The following SLIT3 variants were observed in gnomAD, a reference collection of about 807,000 sequenced individuals.
SLIT3 encodes the protein slit guidance ligand 3, also known as slit homolog 3 protein.
A neutral mutation model predicts 184.0 loss-of-function variants in SLIT3; 68 were observed. That is an observed-to-expected ratio of 0.37 (90% CI 0.30 to 0.45). SLIT3 has a LOEUF of 0.45. Among genes scored for constraint, SLIT3 ranks in the 20% least tolerant of loss-of-function variants. The pLI, the probability that SLIT3 is intolerant of heterozygous loss-of-function variation, is 1.00. For synonymous variants in SLIT3, 831 were observed against 828.6 expected (o/e 1.00, Z -0.05); for missense variants, 1,707 against 2,026.0 (o/e 0.84, Z 3.02).
intron 4 of SLIT3, among the ~76,000 whole-genome samples, chr5:169,166,474 G>A (rs969404563): frequency 1.4e-4 from 22 of 152,112 alleles, no homozygotes; most frequent in African/African-American, 5.3e-4. Context: ...ACACATCTCG[G>A]TCTGCATGCT....
rs554254918 is a variant in SLIT3, at chr5:168,897,425, G to C, written c.414-14089C>G. On this transcript the variant is annotated intron_variant, in intron 4 of 35. Transcript: ENST00000519560. ...TAGACAGATATAAAGATGAGAGAGA[G>C]AGAGAGACAGAGAGAGGGAGAGAAA... Among the ~76,000 whole-genome samples, 5 of 152,222 alleles carry C rather than the reference G, an allele frequency of 3.3e-5. No homozygotes were observed. In the East Asian group the frequency reaches 9.7e-4, roughly 29 times the overall value.
At position 169,187,699 on chromosome 5, in the gene SLIT3, A is replaced by G. The variant is rs905871723; in HGVS notation, c.413+5780T>C. ...CTCCGGAATAGCTGGGATGACAGGCATGCACCACCACGCCCAGCTAATTTT... is the reference window on the plus strand; with the variant it reads ...CTCCGGAATAGCTGGGATGACAGGCGTGCACCACCACGCCCAGCTAATTTT... On this transcript the variant is annotated intron_variant, in intron 4 of 35. Transcript: ENST00000519560. Among the ~76,000 whole-genome samples, 4 of 151,716 alleles carry G rather than the reference A, an allele frequency of 2.6e-5. No homozygotes were observed. The East Asian group carries it at 7.8e-4, about 30-fold the overall frequency.
intron 4 of SLIT3, among the ~76,000 whole-genome samples, chr5:168,970,270 C>G (rs549783489): frequency 6.6e-6 from 1 of 151,936 alleles, no homozygotes; most frequent in African/African-American, 2.4e-5. Flanking sequence ...CTGAGGCAGG[C>G]GGATCACCTG....
intron 4 of SLIT3, among the ~76,000 whole-genome samples, chr5:169,068,764 TG>T (rs1303551369): frequency 6.6e-6 from 1 of 151,846 alleles, no homozygotes; most frequent in Non-Finnish European, 1.5e-5. Context: ...CCCACCCAGC[TG>T]GAGAAGCTCT....
rs17667604 is a variant in SLIT3, at chr5:169,161,040, C to T, written c.413+32439G>A. On this transcript the variant is annotated intron_variant, in intron 4 of 35. Transcript: ENST00000519560. ...CTATGTTGTTCCTTGGAATGAAAAG[C>T]GGATTTTTCTAGCTTCTCTCTCACT... Among the ~76,000 whole-genome samples, 3,265 of 152,286 alleles carry T rather than the reference C, an allele frequency of 0.021. 193 individuals carry two copies. In the East Asian group the frequency reaches 0.23, roughly 11 times the overall value.
chr5:168,865,258 T>G (rs1353818731), intron 5 of SLIT3, among the ~76,000 whole-genome samples: 2 of 151,260 alleles, frequency 1.3e-5, no homozygotes. Context: ...AAATGAAAAC[T>G]TGCATTCACA....
chr5:169,015,974 A>C lies in SLIT3; in HGVS notation c.414-132638T>G, dbSNP rs1342724590. Among the ~76,000 whole-genome samples, 856 of 122,278 alleles carry C rather than the reference A, an allele frequency of 7.0e-3. 12 individuals are homozygous for C. Among genetic ancestry groups the C allele is most frequent in the South Asian group, 0.016 (68 of 4,170 alleles). The allele number at this position is 122,278 out of a possible 152,430, so 80.2% of individuals were successfully genotyped here. On this transcript the variant is annotated intron_variant, in intron 4 of 35. Transcript: ENST00000519560. The stretch of plus-strand genomic sequence containing the variant: ...CACACACACACACACACACACACAC[A>C]CACACACACACAACTTTCTGTCTGC...
intron 4 of SLIT3, among the ~76,000 whole-genome samples, chr5:168,940,526 C>T (rs945714661): frequency 6.6e-6 from 1 of 151,776 alleles, no homozygotes; most frequent in African/African-American, 2.4e-5. Context: ...AAGTAAAAAA[C>T]ATTTAGAGCA....
At chr5:168,698,030 G>A (rs1762110903) in intron 27 of SLIT3, among the ~76,000 whole-genome samples, 1 of 152,164 alleles carries the variant, frequency 6.6e-6, no homozygotes, top group African/African-American at 2.4e-5. Context: ...AGCTGTCCAG[G>A]AGACTCCAGG....
chr5:168,743,990 G>C (rs550308025), intron 20 of SLIT3, among the ~76,000 whole-genome samples: 12 of 152,270 alleles, frequency 7.9e-5, no homozygotes, highest in Admixed American at 1.3e-4. Flanking sequence ...TGGTTCATGA[G>C]GTTTAAGAAA....
At chr5:169,289,794 C>T (rs1767279041) in intron 1 of SLIT3, among the ~76,000 whole-genome samples, 2 of 152,170 alleles carry the variant, frequency 1.3e-5, no homozygotes, top group East Asian at 1.9e-4. Flanking sequence ...TGCAAACATG[C>T]ACAATTCTAT....
chr5:168,913,736 C>T (rs1403160262), intron 4 of SLIT3, among the ~76,000 whole-genome samples: 7 of 115,150 alleles, frequency 6.1e-5, no homozygotes, highest in African/African-American at 1.6e-4. Context: ...AGTAAAACTC[C>T]GTCTCAAAAA....
At chr5:169,055,467 A>G (rs771724174) in intron 4 of SLIT3, among the ~76,000 whole-genome samples, 1 of 152,238 alleles carries the variant, frequency 6.6e-6, no homozygotes, top group African/African-American at 2.4e-5. Flanking sequence ...GGAGGCAGGG[A>G]CATCTTGACC....
In SLIT3 at chr5:168,743,922, C is replaced by T. The variant is rs554066591; in HGVS notation, c.2270+4380G>A. On this transcript the variant is annotated intron_variant, in intron 20 of 35. Coordinates refer to ENST00000519560, the MANE Select transcript of SLIT3 (RefSeq NM_003062.4). Reference sequence around the variant, plus strand: ...GCAAGGCCCTAACTCTCCTTAATTCCGTGAAGGCTGACAGAGGTGAGAAAA... The same window carrying T: ...GCAAGGCCCTAACTCTCCTTAATTCTGTGAAGGCTGACAGAGGTGAGAAAA... 1.5e-3 allele frequency among the ~76,000 whole-genome samples: 230 copies of T among 152,278 alleles called. 12 individuals carry two copies. The South Asian group carries it at 0.046, about 30-fold the overall frequency.
chr5:168,849,437 A>G lies in SLIT3; in HGVS notation c.486-4782T>C, dbSNP rs560928681. 2.6e-5 allele frequency among the ~76,000 whole-genome samples: 4 copies of G among 152,340 alleles called. 1 individual carries two copies. Among genetic ancestry groups the G allele is most frequent in the Middle Eastern group, 6.8e-3 (2 of 294 alleles). Reference sequence around the variant, plus strand: ...AGTTTAACAATTTGCTAATTTCTGAATAAATCTATCCCTACCAAATGTGCC... The same window carrying G: ...AGTTTAACAATTTGCTAATTTCTGAGTAAATCTATCCCTACCAAATGTGCC... On this transcript the variant is annotated intron_variant, in intron 5 of 35. Transcript: ENST00000519560.
chr5:168,963,940 C>A (rs1341077930), intron 4 of SLIT3, among the ~76,000 whole-genome samples: 3 of 152,172 alleles, frequency 2.0e-5, no homozygotes, highest in Non-Finnish European at 2.9e-5. Context: ...ACCCCTCCAA[C>A]TGGATTTTAA....
intron 4 of SLIT3, among the ~76,000 whole-genome samples, chr5:168,941,890 T>G (rs1762344623): frequency 6.6e-6 from 1 of 152,212 alleles, no homozygotes; most frequent in African/African-American, 2.4e-5. Flanking sequence ...CTACAGACTG[T>G]TAAGCTTTGG....
chr5:168,815,633 T>C (rs1230804541), intron 8 of SLIT3, among the ~76,000 whole-genome samples: 1 of 152,194 alleles, frequency 6.6e-6, no homozygotes, highest in Admixed American at 6.5e-5. Context: ...GTTATTGAGG[T>C]ACTGCTTGAG....
chr5:168,832,599 G>A (rs556827284), intron 6 of SLIT3, among the ~76,000 whole-genome samples: 51 of 152,334 alleles, frequency 3.3e-4, no homozygotes, highest in Non-Finnish European at 5.7e-4. Context: ...GCCTACGGGA[G>A]TGAGGCTTGT....
Sources: gnomAD v4.1 joint callset for allele counts (sites outside exome capture counted in the v4.1 genomes callset) on GRCh38, gnomAD v4.1.1 for gene constraint, MANE v1.5 for transcripts, NCBI Gene and HGNC (gene_info 2026-07-23, HGNC 2026-07-21) for gene names.